ADGRF5: variants seen among roughly 807,000 people sequenced by gnomAD.
ADGRF5 encodes G-protein coupled receptor 116.
Under a neutral mutation model 132.3 loss-of-function variants are expected in ADGRF5, and 75 were observed. That is an observed-to-expected ratio of 0.57 (90% CI 0.47 to 0.69). The LOEUF is 0.69. ADGRF5 is among the 30% of genes least tolerant of loss of function. The pLI is 0.00. For synonymous variants in ADGRF5, 629 were observed against 597.6 expected (o/e 1.05, Z -0.77); for missense variants, 1,516 against 1,630.6 (o/e 0.93, Z 1.21).
At position 46,858,753 on chromosome 6, in the gene ADGRF5, G is replaced by T; in HGVS notation, c.3150C>A (p.Arg1050=). 6.2e-7 allele frequency: 1 copy of T among 1,614,098 alleles called. No homozygotes were observed. Among genetic ancestry groups the T allele is most frequent in the Non-Finnish European group, 8.5e-7 (1 of 1,180,014 alleles). ...SVTKNRTSYM[R]HTCIVNIAAS... is the part of the protein sequence containing the mutation. ...CAGCGATATTCACTATGCAGGTGTG[G>T]CGCATATAAGAAGTCCGGTTCTTGG... The change falls in exon 17 of 21, where the codon CGC becomes CGA. Residue 1050 remains arginine, a synonymous_variant. Transcript: ENST00000283296.
intron 11 of ADGRF5, among the ~76,000 whole-genome samples, chr6:46,869,553 A>G (rs1770823006): frequency 6.6e-6 from 1 of 152,232 alleles, no homozygotes; most frequent in South Asian, 2.1e-4. Context: ...CTCTTTTAAT[A>G]TCTCCCCTCC....
intron 1 of ADGRF5, among the ~76,000 whole-genome samples, chr6:46,953,681 A>C (rs922897197): frequency 3.8e-5 from 5 of 130,476 alleles, no homozygotes; most frequent in Non-Finnish European, 8.2e-5. Context: ...ATATATATAT[A>C]TATATATATC....
In ADGRF5 at chr6:46,888,444, A is replaced by G; in HGVS notation, c.219T>C (p.Asn73=). 6.2e-7 allele frequency: 1 copy of G among 1,612,830 alleles called. No individual in the cohort carries two copies. Among genetic ancestry groups the G allele is most frequent in the Non-Finnish European group, 8.5e-7 (1 of 1,178,816 alleles). Residue 73 remains asparagine (N), a synonymous_variant, in exon 4 of 21, where the codon AAT becomes AAC. Transcript: ENST00000283296. Reference sequence around the variant, plus strand: ...CTTTGATAGGATCCAGGAAGGATGCATTTTCAAAACTGATCTCAATATTAA... The same window carrying G: ...CTTTGATAGGATCCAGGAAGGATGCGTTTTCAAAACTGATCTCAATATTAA... The part of the protein sequence containing the change: ...YTVNIEISFE[N]ASFLDPIKAY...
chr6:46,917,730 A>G (rs1562237757), intron 1 of ADGRF5, among the ~76,000 whole-genome samples: 1 of 150,664 alleles, frequency 6.6e-6, no homozygotes, highest in Non-Finnish European at 1.5e-5. Context: ...ATGTGTTCTC[A>G]TTGTTCAACT....
chr6:46,884,801 G>C (rs80094943), intron 4 of ADGRF5, among the ~76,000 whole-genome samples: 485 of 152,274 alleles, frequency 3.2e-3, no homozygotes, highest in East Asian at 0.019. Context: ...GACTGCCATG[G>C]CATGAAGACA....
intron 1 of ADGRF5, among the ~76,000 whole-genome samples, chr6:46,919,373 T>A (rs867624732): frequency 1.1e-4 from 16 of 152,364 alleles, no homozygotes; most frequent in African/African-American, 3.8e-4. Flanking sequence ...GAGAATAAGT[T>A]ACCTGCTTTA....
At chr6:46,954,914 G>T (rs955599322) in exon 1 of ADGRF5, 1 of 151,716 alleles carries the variant, frequency 6.6e-6, no homozygotes, top group Non-Finnish European at 1.5e-5. Flanking sequence ...CAGGCTGTCG[G>T]GAGCAGAGGT....
In ADGRF5 at chr6:46,884,036, C is replaced by G. The variant is rs887398270; in HGVS notation, c.505+59G>C. 4.4e-6 allele frequency: 6 copies of G among 1,359,500 alleles called. No homozygotes were observed. In the African/African-American group the frequency reaches 7.1e-5, roughly 16 times the overall value. 84.2% of individuals were successfully genotyped at this position (1,359,500 alleles called of 1,614,324 possible). On this transcript the variant is annotated intron_variant, in intron 5 of 20. Transcript: ENST00000283296. ...GGATTACAGGCATGAGCCACCATGC[C>G]CAGTCGTAAACTGATGTTGAATAGC...
chr6:46,904,278 GC>G (rs1449219318), intron 2 of ADGRF5, among the ~76,000 whole-genome samples: 3 of 152,204 alleles, frequency 2.0e-5, no homozygotes, highest in Non-Finnish European at 4.4e-5. Context: ...ATTCACAATG[GC>G]CAAGAGGTGG....
In ADGRF5 at chr6:46,858,731, C is replaced by T. The variant is rs1307460777; in HGVS notation, c.3172G>A (p.Ala1058Thr). ...GTGTTGGCGACCAGAAGGGAGGCAGCGATATTCACTATGCAGGTGTGGCGC... is the reference window on the plus strand; with the variant it reads ...GTGTTGGCGACCAGAAGGGAGGCAGTGATATTCACTATGCAGGTGTGGCGC... ...YMRHTCIVNI[A>T]ASLLVANTWF... Residue 1058 changes from alanine (A) to threonine (T), a missense_variant, in exon 17 of 21, where the codon GCT (alanine) becomes ACT (threonine). Around this residue, in one of 2 missense-constraint regions of ADGRF5, gnomAD observed 571 missense variants for 701.2 expected, o/e 0.81. Transcript: ENST00000283296. The T allele has an allele frequency of 3.7e-6, 6 of 1,613,918 alleles. No homozygotes were observed. Among genetic ancestry groups the T allele is most frequent in the South Asian group, 2.2e-5 (2 of 91,072 alleles).
At chr6:46,873,746 C>A (rs547399229) in intron 10 of ADGRF5, among the ~76,000 whole-genome samples, 3 of 152,156 alleles carry the variant, frequency 2.0e-5, no homozygotes, top group African/African-American at 7.2e-5. Flanking sequence ...CTGACATCTT[C>A]GGTACCTTCA....
chr6:46,898,465 T>C (rs1275346683), intron 3 of ADGRF5, among the ~76,000 whole-genome samples: 1 of 152,138 alleles, frequency 6.6e-6, no homozygotes, highest in East Asian at 1.9e-4. Context: ...ACGTATATAC[T>C]GTGCCATAGG....
chr6:46,856,870 C>T lies in ADGRF5; in HGVS notation c.3813G>A (p.Leu1271=). The T allele has an allele frequency of 6.2e-7, 1 of 1,610,168 alleles. No homozygotes were observed. Among genetic ancestry groups the T allele is most frequent in the Non-Finnish European group, 8.5e-7 (1 of 1,178,266 alleles). Residue 1271 remains leucine (L), a synonymous_variant, in exon 18 of 21, where the codon CTG becomes CTA. Coordinates refer to ENST00000283296, the MANE Select transcript of ADGRF5 (RefSeq NM_001098518.2). Reference sequence around the variant, plus strand: ...ATGAAACTGTCATTGCTCTTACCTTCAGATCCCAGAGGCATCCAAAGAGTA... The same window carrying T: ...ATGAAACTGTCATTGCTCTTACCTTTAGATCCCAGAGGCATCCAAAGAGTA... ...FILLFGCLWD[L]KVQEALLNKF...
rs994939032 is a variant in ADGRF5 at position 46,852,852 on chromosome 6, A to T, written c.*1140T>A. On this transcript the variant is annotated 3_prime_UTR_variant, in exon 21 of 21. Coordinates refer to ENST00000283296, the MANE Select transcript of ADGRF5 (RefSeq NM_001098518.2). ...TGGGAACTTAAAGATGGAAACAGAG[A>T]ATACATAGGGAGCTATGCAACACAC... is the stretch of plus-strand genomic sequence containing the variant. 2.6e-5 allele frequency: 4 copies of T among 152,598 alleles called. No individual in the cohort carries two copies. Among genetic ancestry groups the T allele is most frequent in the African/African-American group, 9.6e-5 (4 of 41,456 alleles). The allele number at this position is 152,598 out of a possible 1,614,324, so 9.5% of individuals were successfully genotyped here.
intron 4 of ADGRF5, among the ~76,000 whole-genome samples, chr6:46,884,633 T>A (rs940164191): frequency 1.3e-5 from 2 of 152,228 alleles, no homozygotes; most frequent in Admixed American, 1.3e-4. Context: ...AACCCTTTTG[T>A]ACTACCTTCT....
intron 1 of ADGRF5, among the ~76,000 whole-genome samples, chr6:46,938,829 G>A (rs963843211): frequency 7.3e-5 from 11 of 151,548 alleles, no homozygotes; most frequent in East Asian, 3.9e-4. Context: ...CCTTCACAAA[G>A]CCTCTCCCCA....
At chr6:46,952,021 T>C (rs1330696946) in intron 1 of ADGRF5, among the ~76,000 whole-genome samples, 1 of 152,232 alleles carries the variant, frequency 6.6e-6, no homozygotes, top group African/African-American at 2.4e-5. Flanking sequence ...CTTTGCACTC[T>C]GAAATCAGGG....
chr6:46,950,814 A>T (rs2396802), intron 1 of ADGRF5, among the ~76,000 whole-genome samples: 21,913 of 152,196 alleles, frequency 0.14, 1,819 homozygotes, highest in Admixed American at 0.23. Context: ...CGCCTGGCTG[A>T]CTTGGTGTTT....
intron 1 of ADGRF5, among the ~76,000 whole-genome samples, chr6:46,927,824 ACCT>A (rs2150932557): frequency 6.6e-6 from 1 of 152,174 alleles, no homozygotes; most frequent in East Asian, 1.9e-4. Flanking sequence ...AAGGCCTGAA[ACCT>A]CCTTCTCAGA....
Sources: gnomAD v4.1 joint callset for allele counts (sites outside exome capture counted in the v4.1 genomes callset) on GRCh38, gnomAD v4.1.1 for gene constraint, gnomAD v4.1.1 regional missense constraint, MANE v1.5 for transcripts, NCBI Gene and HGNC (gene_info 2026-07-23, HGNC 2026-07-21) for gene names.